Variants in TRDN observed in about 807,000 individuals in gnomAD.
TRDN encodes triadin in skeletal muscle.
A neutral mutation model predicts 149.7 loss-of-function variants in TRDN; 161 were observed. The ratio of observed to expected loss-of-function variants is 1.08; its 90% confidence interval spans 0.95 to 1.23. TRDN has a LOEUF of 1.23. TRDN is among the 50% of genes most tolerant of loss of function. The probability of loss-of-function intolerance (pLI) is 0.00; values close to 1 mark genes in which losing one functional copy is unlikely to be tolerated. For missense variants in TRDN, 896 were observed against 823.5 expected (o/e 1.09, Z -1.08); for synonymous variants, 294 against 250.5 (o/e 1.17, Z -1.64).
chr6:123,242,003 T>A (rs557853094), intron 38 of TRDN, among the ~76,000 whole-genome samples: 1 of 152,276 alleles, frequency 6.6e-6, no homozygotes, highest in African/African-American at 2.4e-5. Flanking sequence ...AAATGTTGAC[T>A]CCCAGACTAC....
At chr6:123,222,568 G>T (rs529587399) in intron 39 of TRDN, among the ~76,000 whole-genome samples, 3 of 151,584 alleles carry the variant, frequency 2.0e-5, no homozygotes, top group Admixed American at 2.0e-4. Flanking sequence ...ATTTGATAAG[G>T]TCCTGACCTG....
intron 24 of TRDN, among the ~76,000 whole-genome samples, chr6:123,308,054 T>C (rs973492994): frequency 6.6e-6 from 1 of 151,974 alleles, no homozygotes; most frequent in African/African-American, 2.4e-5. Context: ...ATTTTTGCCA[T>C]CTTTATGTCC....
chr6:123,470,841 G>A (rs1319314837), intron 9 of TRDN: 1 of 152,206 alleles, frequency 6.6e-6, no homozygotes, highest in Non-Finnish European at 1.5e-5. Flanking sequence ...AGCTGGCTTG[G>A]ACTACATAGG....
At chr6:123,256,767 T>C (rs998347487) in intron 35 of TRDN, among the ~76,000 whole-genome samples, 8 of 152,038 alleles carry the variant, frequency 5.3e-5, no homozygotes, top group Admixed American at 2.0e-4. Flanking sequence ...ATTCTGTAGG[T>C]TGCCTGTTCA....
At chr6:123,258,459 C>T (rs916762851) in intron 35 of TRDN, among the ~76,000 whole-genome samples, 1 of 152,074 alleles carries the variant, frequency 6.6e-6, no homozygotes, top group Admixed American at 6.6e-5. Flanking sequence ...GTAGGTTGAA[C>T]CAGCCTTGCA....
At chr6:123,466,589 C>T (rs190241072) in intron 9 of TRDN, among the ~76,000 whole-genome samples, 1 of 151,378 alleles carries the variant, frequency 6.6e-6, no homozygotes, top group Non-Finnish European at 1.5e-5. Flanking sequence ...AGGAGTGAAG[C>T]CTCTACTCTA....
intron 12 of TRDN, among the ~76,000 whole-genome samples, chr6:123,411,041 C>T (rs1292457887): frequency 1.0e-5 from 1 of 96,772 alleles, no homozygotes; most frequent in African/African-American, 4.5e-5. Flanking sequence ...GTATGAATAA[C>T]TTTCTTTCTT....
At chr6:123,633,363 A>T (rs76999161) in intron 1 of TRDN, among the ~76,000 whole-genome samples, 4,231 of 152,152 alleles carry the variant, frequency 0.028, 211 homozygotes, top group African/African-American at 0.096. Context: ...ACAGTCTCAC[A>T]CAGTAAGAAG....
At chr6:123,456,983 G>A (rs1184450900) in intron 10 of TRDN, 1 of 346,574 alleles carries the variant, frequency 2.9e-6, no homozygotes, top group Non-Finnish European at 5.8e-6. Context: ...CAAGAGCATT[G>A]GAGGAAACAT....
chr6:123,329,447 A>G lies in TRDN; in HGVS notation c.1471+2432T>C, dbSNP rs911596883. On this transcript the variant is annotated intron_variant, in intron 23 of 40. Transcript: ENST00000334268. Reference sequence around the variant, plus strand: ...TCTTTTAAAGTTAATTCCTGTTACTAAAGATTTATTTGAGATGTGACTGTT... The same window carrying G: ...TCTTTTAAAGTTAATTCCTGTTACTGAAGATTTATTTGAGATGTGACTGTT... Among the ~76,000 whole-genome samples the G allele has an allele frequency of 2.6e-5, 4 of 152,218 alleles. No individual in the cohort carries two copies. The East Asian group carries it at 7.7e-4, about 29-fold the overall frequency.
chr6:123,460,371 AACCAATG>A (rs1776378868), intron 10 of TRDN, among the ~76,000 whole-genome samples: 1 of 152,186 alleles, frequency 6.6e-6, no homozygotes, highest in African/African-American at 2.4e-5. Context: ...TATTAACAGC[AACCAATG>A]GTTGAGTATC....
At chr6:123,618,721 G>A (rs939760261) in intron 1 of TRDN, among the ~76,000 whole-genome samples, 5 of 152,128 alleles carry the variant, frequency 3.3e-5, no homozygotes, top group South Asian at 2.1e-4. Flanking sequence ...GCTCACAACC[G>A]TGTATCTTTT....
intron 38 of TRDN, among the ~76,000 whole-genome samples, chr6:123,246,739 A>G (rs1278046793): frequency 6.6e-6 from 1 of 151,896 alleles, no homozygotes; most frequent in Non-Finnish European, 1.5e-5. Flanking sequence ...TCATTTTATA[A>G]GGTATAAGGC....
chr6:123,462,675 G>C (rs1031861385), intron 10 of TRDN: 2 of 151,732 alleles, frequency 1.3e-5, no homozygotes, highest in Non-Finnish European at 2.9e-5. Context: ...CCACATGAAA[G>C]TTCCTCCTTT....
At chr6:123,319,885 T>C (rs1582867033) in intron 23 of TRDN, among the ~76,000 whole-genome samples, 1 of 152,018 alleles carries the variant, frequency 6.6e-6, no homozygotes, top group South Asian at 2.1e-4. Flanking sequence ...GGGAGCTTCA[T>C]TAGTGATTTT....
At chr6:123,459,916 T>A (rs192134091) in intron 10 of TRDN, among the ~76,000 whole-genome samples, 22 of 152,306 alleles carry the variant, frequency 1.4e-4, no homozygotes, top group Middle Eastern at 6.8e-3. Context: ...GATCTTCTCT[T>A]TAAAATGACA....
chr6:123,383,370 C>T (rs1303067413), intron 14 of TRDN, among the ~76,000 whole-genome samples: 1 of 151,866 alleles, frequency 6.6e-6, no homozygotes, highest in East Asian at 1.9e-4. Context: ...GAAAAGAATC[C>T]AGAAAATCAT....
intron 38 of TRDN, among the ~76,000 whole-genome samples, chr6:123,237,999 T>C (rs1256673268): frequency 6.6e-6 from 1 of 152,146 alleles, no homozygotes; most frequent in African/African-American, 2.4e-5. Flanking sequence ...CATTAAAAGA[T>C]GCTTAAAAGT....
intron 1 of TRDN, among the ~76,000 whole-genome samples, chr6:123,607,555 T>C (rs1053060739): frequency 1.3e-5 from 2 of 152,164 alleles, no homozygotes; most frequent in African/African-American, 4.8e-5. Flanking sequence ...AAGGTTGTAG[T>C]CTCTCCGCAC....
Sources: gnomAD v4.1 joint callset for allele counts (sites outside exome capture counted in the v4.1 genomes callset) on GRCh38, gnomAD v4.1.1 for gene constraint, MANE v1.5 for transcripts, NCBI Gene and HGNC (gene_info 2026-07-23, HGNC 2026-07-21) for gene names.